The following WDPCP variants were observed in gnomAD, a reference collection of about 807,000 sequenced individuals.
WDPCP encodes the protein WD repeat-containing and planar cell polarity effector protein fritz homolog.
A neutral mutation model predicts 93.1 loss-of-function variants in WDPCP; 71 were observed. The ratio of observed to expected loss-of-function variants is 0.76; its 90% CI spans 0.63 to 0.93. WDPCP has a LOEUF of 0.93. WDPCP is among the 40% of genes least tolerant of loss of function. WDPCP has a pLI of 0.00. For synonymous variants in WDPCP, 315 were observed against 315.0 expected, an observed-to-expected ratio of 1.00 and a Z score of 0.00; for missense variants, 844 against 887.4, an observed-to-expected ratio of 0.95 and a Z score of 0.62.
rs928093839 is a variant in WDPCP, at chr2:63,466,591, A to T, written c.384+18013T>A. Among the ~76,000 whole-genome samples the T allele has an allele frequency of 6.6e-5, 10 of 152,242 alleles. No homozygotes were observed. The East Asian group carries it at 7.7e-4, about 12-fold the overall frequency. ...ACTGATAAAACCTGATTAAAAAATC[A>T]GTACTAGTATTTAAATATAATTTAT... is the stretch of plus-strand genomic sequence containing the variant. On this transcript the variant is annotated intron_variant, in intron 6 of 17. Coordinates refer to ENST00000272321, the MANE Select transcript of WDPCP (RefSeq NM_015910.7).
intron 2 of WDPCP, among the ~76,000 whole-genome samples, chr2:63,703,206 G>A (rs1669089761): frequency 6.6e-6 from 1 of 152,196 alleles, no homozygotes; most frequent in Non-Finnish European, 1.5e-5. Context: ...CTTTATAGCA[G>A]CATGATTTAT....
At chr2:63,835,577 G>C in the WDPCP span, among the ~76,000 whole-genome samples, 1 of 151,110 alleles carries the variant, frequency 6.6e-6, no homozygotes, top group African/African-American at 2.4e-5. Context: ...TTTGGAGTCA[G>C]ATAGCTTCAG....
intron 14 of WDPCP, among the ~76,000 whole-genome samples, chr2:63,236,537 A>C (rs1396717261): frequency 6.6e-6 from 1 of 152,216 alleles, no homozygotes; most frequent in East Asian, 1.9e-4. Flanking sequence ...CTAAGCAAAA[A>C]GAATAAAGCT....
chr2:63,277,075 G>C (rs1683142357), intron 13 of WDPCP, among the ~76,000 whole-genome samples: 2 of 152,226 alleles, frequency 1.3e-5, no homozygotes, highest in East Asian at 3.9e-4. Flanking sequence ...CCTATTTTTA[G>C]CCTCCTTAAA....
intron 2 of WDPCP, among the ~76,000 whole-genome samples, chr2:63,764,804 T>G (rs1297168747): frequency 6.6e-6 from 1 of 152,182 alleles, no homozygotes; most frequent in Non-Finnish European, 1.5e-5. Context: ...AAACAAAGGC[T>G]AAGTCACCAA....
chr2:63,466,651 A>G, intron 6 of WDPCP, among the ~76,000 whole-genome samples: 1 of 152,242 alleles, frequency 6.6e-6, no homozygotes, highest in East Asian at 1.9e-4. Context: ...TGGAAGTACA[A>G]CTTTACCCTC....
intron 1 of WDPCP, among the ~76,000 whole-genome samples, chr2:63,555,949 T>C (rs1706084183): frequency 6.6e-6 from 1 of 152,090 alleles, no homozygotes; most frequent in African/African-American, 2.4e-5. Context: ...GTGCCTCGTC[T>C]CCAAATAATC....
intron 1 of WDPCP, among the ~76,000 whole-genome samples, chr2:63,821,174 T>A (rs572830680): frequency 6.6e-6 from 1 of 152,112 alleles, no homozygotes; most frequent in Non-Finnish European, 1.5e-5. Context: ...TGTTTCCATG[T>A]CTCTCTCACC....
At chr2:63,270,166 G>C (rs2104849507) in intron 13 of WDPCP, among the ~76,000 whole-genome samples, 1 of 152,226 alleles carries the variant, frequency 6.6e-6, no homozygotes, top group African/African-American at 2.4e-5. Flanking sequence ...ATGTTCCACA[G>C]TCTTTCTTGT....
chr2:63,535,424 C>G (rs1336039694), intron 1 of WDPCP, among the ~76,000 whole-genome samples: 1 of 152,170 alleles, frequency 6.6e-6, no homozygotes, highest in Non-Finnish European at 1.5e-5. Context: ...GCCAAAAGAA[C>G]AGAGCTGGAG....
In WDPCP at chr2:63,208,521, A is replaced by C. The variant is rs1304676572; in HGVS notation, c.1916-33689T>G. Reference sequence around the variant, plus strand: ...CTGTTTCTCCTAAGTTTGGGGATTCATCTAGAAAGATTATTTTGATTTGTT... The same window carrying C: ...CTGTTTCTCCTAAGTTTGGGGATTCCTCTAGAAAGATTATTTTGATTTGTT... On this transcript the variant is annotated intron_variant, in intron 14 of 17. Transcript: ENST00000272321. Among the ~76,000 whole-genome samples the C allele has an allele frequency of 3.3e-5, 5 of 152,284 alleles. No individual in the cohort carries two copies. In the East Asian group the frequency reaches 9.6e-4, roughly 29 times the overall value.
At chr2:63,646,739 T>C (rs1451830777) in intron 3 of WDPCP, among the ~76,000 whole-genome samples, 1 of 152,216 alleles carries the variant, frequency 6.6e-6, no homozygotes, top group Non-Finnish European at 1.5e-5. Flanking sequence ...CTCTCTCTCC[T>C]GCCTGTAAAG....
At chr2:63,319,087 A>G (rs1410767766) in intron 12 of WDPCP, among the ~76,000 whole-genome samples, 1 of 152,182 alleles carries the variant, frequency 6.6e-6, no homozygotes, top group Non-Finnish European at 1.5e-5. Context: ...CAAATTATGG[A>G]GGAAAAATAA....
intron 3 of WDPCP, among the ~76,000 whole-genome samples, chr2:63,639,851 G>A (rs536737126): frequency 2.0e-5 from 3 of 152,208 alleles, no homozygotes; most frequent in African/African-American, 7.2e-5. Flanking sequence ...ACACATTGCT[G>A]GTAGGAAAGT....
At position 63,648,960 on chromosome 2, in the gene WDPCP, G is replaced by C. The variant is rs1042471206; in HGVS notation, n.488+1699C>G. Among the ~76,000 whole-genome samples the C allele has an allele frequency of 1.2e-4, 19 of 152,194 alleles. No homozygotes were observed. In the Middle Eastern group the frequency reaches 0.01, roughly 82 times the overall value. ...ATGGATTGCTGTTTACCAATTGCTA[G>C]GACTCATATGATGTTTTGGGCCCAA... On this transcript the variant is annotated intron_variant and non_coding_transcript_variant, in intron 3 of 4. Transcript: ENST00000467687.
intron 12 of WDPCP, among the ~76,000 whole-genome samples, chr2:63,350,202 A>C (rs1477382327): frequency 6.6e-6 from 1 of 152,180 alleles, no homozygotes; most frequent in Non-Finnish European, 1.5e-5. Flanking sequence ...AGAAAACCAA[A>C]CACCACATGT....
chr2:63,327,706 G>C (rs1346636612), intron 12 of WDPCP, among the ~76,000 whole-genome samples: 1 of 152,130 alleles, frequency 6.6e-6, no homozygotes, highest in African/African-American at 2.4e-5. Context: ...CTCTGGAGTT[G>C]GGCAACACGT....
intron 13 of WDPCP, among the ~76,000 whole-genome samples, chr2:63,268,275 T>C (rs1682325688): frequency 6.6e-6 from 1 of 152,076 alleles, no homozygotes; most frequent in Admixed American, 6.5e-5. Context: ...TTTTTTTAAA[T>C]TGATTTCATA....
At chr2:63,640,191 G>A (rs1709965946) in intron 3 of WDPCP, among the ~76,000 whole-genome samples, 1 of 152,174 alleles carries the variant, frequency 6.6e-6, no homozygotes, top group Non-Finnish European at 1.5e-5. Flanking sequence ...TGTATTTTTA[G>A]TAGAGACGGG....
Sources: allele counts gnomAD v4.1 joint callset (sites outside exome capture counted in the v4.1 genomes callset), GRCh38; gene constraint gnomAD v4.1.1; transcripts MANE v1.5; gene names NCBI Gene and HGNC (gene_info 2026-07-23, HGNC 2026-07-21).